RNF216: variants seen among roughly 807,000 people sequenced by gnomAD.
RNF216 encodes E3 ubiquitin-protein ligase RNF216.
Under a neutral mutation model 110.8 loss-of-function variants are expected in RNF216, and 72 were observed. The ratio of observed to expected loss-of-function variants is 0.65; its 90% CI spans 0.54 to 0.79. RNF216 has a LOEUF of 0.79. Ranked by LOEUF, RNF216 falls within the 30% of genes least tolerant of loss-of-function variation. RNF216 has a pLI of 0.00. For missense variants in RNF216, 1,342 were observed against 1,141.2 expected, an observed-to-expected ratio of 1.18 and a Z score of -2.54; for synonymous variants, 495 against 407.5, an observed-to-expected ratio of 1.21 and a Z score of -2.59.
intron 13 of RNF216, among the ~76,000 whole-genome samples, chr7:5,675,015 C>G (rs1339402498): frequency 2.0e-5 from 3 of 151,776 alleles, no homozygotes; most frequent in East Asian, 3.9e-4. Flanking sequence ...AACAAACAAA[C>G]AATATATATA....
intron 14 of RNF216, 102 bp from the exon 15 acceptor site, chr7:5,641,478 G>T: frequency 1.0e-6 from 1 of 971,594 alleles, no homozygotes; most frequent in Non-Finnish European, 1.5e-6. Context: ...GATCACTTAT[G>T]GCTTTTTTGT....
intron 13 of RNF216, among the ~76,000 whole-genome samples, chr7:5,679,978 C>T (rs1391082747): frequency 2.2e-4 from 34 of 152,212 alleles, no homozygotes; most frequent in Admixed American, 2.2e-3. Context: ...CTGGGAGTCT[C>T]TTGCTGGGAT....
chr7:5,659,845 G>A (rs1313572261), intron 13 of RNF216, among the ~76,000 whole-genome samples: 1 of 152,038 alleles, frequency 6.6e-6, no homozygotes, highest in Non-Finnish European at 1.5e-5. Flanking sequence ...GGCAATAGCA[G>A]CACACCTGTA....
At chr7:5,639,329 C>T (rs2128565780) in intron 15 of RNF216, among the ~76,000 whole-genome samples, 1 of 152,282 alleles carries the variant, frequency 6.6e-6, no homozygotes, top group East Asian at 1.9e-4. Context: ...CAACTGGATC[C>T]CAGATAAGAG....
At chr7:5,727,714 G>A (rs774907606) in intron 7 of RNF216, among the ~76,000 whole-genome samples, 8 of 152,084 alleles carry the variant, frequency 5.3e-5, no homozygotes, top group Non-Finnish European at 1.2e-4. Context: ...GGGTGAGAGA[G>A]AGAGACCCTG....
At chr7:5,737,084 G>A (rs1794463595) in intron 5 of RNF216, among the ~76,000 whole-genome samples, 1 of 152,266 alleles carries the variant, frequency 6.6e-6, no homozygotes, top group South Asian at 2.1e-4. Flanking sequence ...AATAGAAAAG[G>A]GGGAAATGTG....
chr7:5,720,590 G>A (rs971752017), intron 9 of RNF216, among the ~76,000 whole-genome samples: 4 of 152,144 alleles, frequency 2.6e-5, no homozygotes, highest in African/African-American at 9.7e-5. Context: ...TCACTGTAAT[G>A]TCTTAGCATA....
intron 15 of RNF216, among the ~76,000 whole-genome samples, chr7:5,634,738 C>G (rs56391533): frequency 0.058 from 8,777 of 152,304 alleles, 275 homozygotes; most frequent in East Asian, 0.087. Flanking sequence ...TGCGTCCCGT[C>G]AGGGTCAAGT....
At chr7:5,715,476 C>G (rs1792988744) in intron 10 of RNF216, among the ~76,000 whole-genome samples, 1 of 151,922 alleles carries the variant, frequency 6.6e-6, no homozygotes, top group Admixed American at 6.6e-5. Context: ...TCCCATGGTG[C>G]AAAGGGAACT....
chr7:5,715,553 C>T (rs2128632061), intron 10 of RNF216, among the ~76,000 whole-genome samples: 1 of 151,742 alleles, frequency 6.6e-6, no homozygotes, highest in East Asian at 1.9e-4. Context: ...AGAGATGTTA[C>T]CCAAAAAACT....
chr7:5,661,569 G>A (rs1019514090), intron 13 of RNF216, among the ~76,000 whole-genome samples: 11 of 152,282 alleles, frequency 7.2e-5, no homozygotes, highest in Non-Finnish European at 1.6e-4. Context: ...TTGGGAGGCC[G>A]AGTAGGGTGG....
intron 15 of RNF216, among the ~76,000 whole-genome samples, chr7:5,630,540 A>G (rs6946894): frequency 0.073 from 11,156 of 152,040 alleles, 1,339 homozygotes; most frequent in African/African-American, 0.25. Context: ...CACCATGCCC[A>G]GCTAATTTTT....
In RNF216 at chr7:5,749,916, T is replaced by A. The variant is rs1013315588; in HGVS notation, c.201+2930A>T. ...TCTTTATTTGAAACACTGCTGGTTC[T>A]TTTAATGTTTTGTTTTCCAGATTTA... is the stretch of plus-strand genomic sequence containing the variant. On this transcript the variant is annotated intron_variant, in intron 3 of 16. Transcript: ENST00000389902. Among the ~76,000 whole-genome samples, 6 of 152,240 alleles carry A rather than the reference T, an allele frequency of 3.9e-5. No homozygotes were observed. In the South Asian group the frequency reaches 6.2e-4, roughly 16 times the overall value.
intron 8 of RNF216, among the ~76,000 whole-genome samples, chr7:5,723,522 C>CTGTA (rs1225582327): frequency 3.3e-5 from 5 of 151,858 alleles, no homozygotes; most frequent in East Asian, 1.9e-4. Flanking sequence ...TGGCGGGCAC[C>CTGTA]TGTAGTCCCA....
chr7:5,622,907 G>A lies in RNF216; in HGVS notation c.2725C>T (p.His909Tyr). 1 of 1,612,548 alleles carries A rather than the reference G, an allele frequency of 6.2e-7. No individual in the cohort carries two copies. The highest frequency in any genetic ancestry group is 1.7e-5 in the Admixed American group (1 of 59,980). ...DFGPIHMPLE[H>Y]NLPMHFGPQP... ...GGGCCAAAGTGCATGGGCAGGTTGT[G>A]CTCCAGGGGCATGTGGATGGGACCG... The change falls in exon 17 of 17, where the codon CAC becomes TAC. Residue 909 changes from histidine to tyrosine, a missense_variant. His to Tyr is a moderately conservative substitution (Grantham distance 83). Coordinates refer to ENST00000389902, the MANE Select transcript of RNF216 (RefSeq NM_207111.4).
intron 13 of RNF216, among the ~76,000 whole-genome samples, chr7:5,702,201 C>G (rs1792012440): frequency 6.6e-6 from 1 of 152,092 alleles, no homozygotes; most frequent in Admixed American, 6.5e-5. Context: ...ACCTGAGGGG[C>G]TGCAGCAGCC....
chr7:5,772,219 G>C (rs796188874), intron 1 of RNF216, among the ~76,000 whole-genome samples: 3 of 152,156 alleles, frequency 2.0e-5, no homozygotes, highest in Non-Finnish European at 4.4e-5. Flanking sequence ...GGCAACAAGA[G>C]TGAAACTCCG....
chr7:5,724,782 C>T (rs75168566), intron 8 of RNF216, among the ~76,000 whole-genome samples: 5 of 152,150 alleles, frequency 3.3e-5, no homozygotes, highest in South Asian at 4.1e-4. Context: ...TGGGTGGAAG[C>T]AACTCAGATA....
intron 10 of RNF216, 130 bp from the exon 11 acceptor site, chr7:5,715,320 T>C: frequency 1.3e-6 from 1 of 774,384 alleles, no homozygotes; most frequent in Non-Finnish European, 2.1e-6. Context: ...TTAGGGGCCA[T>C]AAAACAATGA....
Sources: allele counts gnomAD v4.1 joint callset (sites outside exome capture counted in the v4.1 genomes callset), GRCh38; gene constraint gnomAD v4.1.1; transcripts MANE v1.5; gene names NCBI Gene and HGNC (gene_info 2026-07-23, HGNC 2026-07-21).